The following CCDC22 variants were observed in gnomAD, a reference collection of about 807,000 sequenced individuals.
CCDC22 encodes coiled-coil domain-containing protein 22.
Under a neutral mutation model 53.1 loss-of-function variants are expected in CCDC22, and 4 were observed. The ratio of observed to expected loss-of-function variants is 0.08; its 90% CI spans 0.04 to 0.17. The LOEUF (loss-of-function observed/expected upper bound fraction) is 0.17. Ranked by LOEUF, CCDC22 falls within the 10% of genes least tolerant of loss-of-function variation. CCDC22 has a pLI of 1.00. For missense variants in CCDC22, 458 were observed against 554.0 expected (o/e 0.83, Z 1.74); for synonymous variants, 222 against 224.4 (o/e 0.99, Z 0.10).
chrX:49,237,128 T>C lies in CCDC22; in HGVS notation c.93T>C (p.Thr31=), dbSNP rs1557112825. The C allele has an allele frequency of 8.3e-6, 10 of 1,209,730 alleles. No individual in the cohort carries two copies. In the South Asian group the frequency reaches 1.6e-4, roughly 19 times the overall value. Residue 31 remains threonine (T), a synonymous_variant, in exon 2 of 17, where the codon ACT becomes ACC. Coordinates refer to ENST00000376227, the MANE Select transcript of CCDC22 (RefSeq NM_014008.5). ...PDVQTLRAFT[T]ELVVEAVVRC... ...TGCAGACCTTGCGCGCCTTCACCAC[T>C]GAGCTGGTTGTAGAGGCTGTGGTCC...
At chrX:49,238,150 G>A (rs1195657343) in intron 2 of CCDC22, among the ~76,000 whole-genome samples, 5 of 101,024 alleles carry the variant, frequency 4.9e-5, no homozygotes, top group Non-Finnish European at 7.9e-5. Flanking sequence ...CTCAGCTCAC[G>A]GCTCACTGCA....
chrX:49,241,444 G>A (rs1463039627), intron 2 of CCDC22, among the ~76,000 whole-genome samples: 3 of 99,683 alleles, frequency 3.0e-5, no homozygotes, highest in African/African-American at 7.6e-5. Context: ...CCAAGATCAC[G>A]CTACTGCACT....
At position 49,247,528 on chromosome X, in the gene CCDC22, T is replaced by C. The variant is rs782818101; in HGVS notation, c.942T>C (p.Asp314=). The part of the protein sequence containing the change: ...EPQAQATQVS[D]VPATSRRPEQ... ...AGGCCCAGGCCACTCAGGTGTCAGATGTGCCAGCCACCTCCCGGCGGCCTG... is the reference window on the plus strand; with the variant it reads ...AGGCCCAGGCCACTCAGGTGTCAGACGTGCCAGCCACCTCCCGGCGGCCTG... Residue 314 remains aspartate (D), a synonymous_variant, in exon 8 of 17, where the codon GAT becomes GAC. Coordinates refer to ENST00000376227, the MANE Select transcript of CCDC22 (RefSeq NM_014008.5). The C allele has an allele frequency of 3.3e-6, 4 of 1,198,686 alleles. No homozygotes were observed. Among genetic ancestry groups the C allele is most frequent in the African/African-American group, 1.8e-5 (1 of 57,046 alleles).
intron 2 of CCDC22, among the ~76,000 whole-genome samples, chrX:49,239,644 G>T (rs1434877101): frequency 9.1e-6 from 1 of 110,367 alleles, no homozygotes; most frequent in South Asian, 4.0e-4. Context: ...CCATCCCTTC[G>T]CTCTCAGGTT....
intron 11 of CCDC22, 42 bp from the exon 12 acceptor site, chrX:49,248,591 C>G: frequency 8.3e-7 from 1 of 1,201,791 alleles, no homozygotes; most frequent in African/African-American, 1.7e-5. Flanking sequence ...GGGGCCATCC[C>G]TATGCTCTGC....
chrX:49,246,741 G>T lies in CCDC22; in HGVS notation c.725G>T (p.Arg242Leu). ...GCCTTTTCTCCCCAGGAGGACACAC[G>T]GGCTCAGCGGCAGCGGCTGCAAAAG... The part of the protein sequence containing the change: ...TSRLPPQEDT[R>L]AQRQRLQKQL... Residue 242 changes from arginine (R) to leucine (L), a missense_variant, in exon 7 of 17, where the codon CGG becomes CTG. Around this residue, in one of 4 missense-constraint regions of CCDC22, gnomAD observed 309 missense variants for 312.3 expected, o/e 0.99. Transcript: ENST00000376227. 1 of 1,155,550 alleles carries T rather than the reference G, an allele frequency of 8.7e-7. No individual in the cohort carries two copies. The highest frequency in any genetic ancestry group is 2.5e-5 in the Admixed American group (1 of 39,979).
intron 3 of CCDC22, chrX:49,242,354 G>T (rs1046891039): frequency 1.5e-5 from 11 of 746,116 alleles, no homozygotes; most frequent in Non-Finnish European, 1.6e-5. Context: ...GCTGACCCCG[G>T]TGGTGCGTTG....
chrX:49,249,458 G>A, intron 14 of CCDC22, 51 bp from the exon 15 acceptor site: 2 of 1,128,029 alleles, frequency 1.8e-6, no homozygotes, highest in Non-Finnish European at 2.4e-6. Context: ...AGGGCATGGA[G>A]ATGGTCAAGG....
chrX:49,236,597 G>A (rs1332486648), intron 1 of CCDC22, among the ~76,000 whole-genome samples: 2 of 111,239 alleles, frequency 1.8e-5, no homozygotes, highest in Non-Finnish European at 3.8e-5. Context: ...AAAAACCCAG[G>A]ATGCCAACAT....
intron 1 of CCDC22, 49 bp downstream of exon 1, chrX:49,235,735 A>G: frequency 9.3e-7 from 1 of 1,073,774 alleles, no homozygotes; most frequent in East Asian, 3.3e-5. Flanking sequence ...CCGGGACTCT[A>G]AAGCCCAGGA....
chrX:49,247,000 A>C lies in CCDC22; in HGVS notation c.909+75A>C, dbSNP rs782323184. On this transcript the variant is annotated intron_variant, in intron 7 of 16. Coordinates refer to ENST00000376227, the MANE Select transcript of CCDC22 (RefSeq NM_014008.5). The stretch of plus-strand genomic sequence containing the variant: ...GAGGGTGGCTTTTTGTGTCAGCACC[A>C]CACCTTTATCCACACAGGTTCCTGT... 4 of 872,144 alleles carry C rather than the reference A, an allele frequency of 4.6e-6. No homozygotes were observed. The East Asian group carries it at 1.4e-4, about 30-fold the overall frequency. 71.9% of individuals were successfully genotyped at this position (872,144 alleles called of 1,213,427 possible). A position where few individuals can be genotyped will look rare whatever the true frequency, so the allele number is the denominator to read the frequency against.
intron 1 of CCDC22, among the ~76,000 whole-genome samples, chrX:49,236,356 C>T (rs1337330007): frequency 9.1e-6 from 1 of 109,444 alleles, no homozygotes; most frequent in African/African-American, 3.3e-5. Context: ...TACAGCCGTG[C>T]GCCACCTTGC....
intron 2 of CCDC22, among the ~76,000 whole-genome samples, chrX:49,240,574 T>G (rs902184389): frequency 9.0e-6 from 1 of 111,191 alleles, no homozygotes; most frequent in African/African-American, 3.3e-5. Context: ...AAAAAACAGG[T>G]ACATATGGTT....
At chrX:49,244,561 CTCT>C (rs782606989) in intron 6 of CCDC22, among the ~76,000 whole-genome samples, 6 of 109,723 alleles carry the variant, frequency 5.5e-5, no homozygotes, top group South Asian at 3.9e-4. Flanking sequence ...TATCTGTCCT[CTCT>C]TCTTCTTTTT....
chrX:49,239,270 C>T (rs1335834423), intron 2 of CCDC22: 3 of 134,777 alleles, frequency 2.2e-5, no homozygotes, highest in Non-Finnish European at 4.1e-5. Flanking sequence ...TGAGCCACCG[C>T]GTCTGGCTCT....
chrX:49,248,197 T>A lies in CCDC22; in HGVS notation c.1099T>A (p.Ser367Thr). ...CTGGGTATCCACCGGCCAGGCAGAG[T>A]CTGAGTGCCGGCACAGCAAGCTCAG... ...TLGVSFVQAESECRHSKLSTA... is the reference protein window; with the variant it reads ...TLGVSFVQAETECRHSKLSTA... Residue 367 changes from serine (S) to threonine (T), a missense_variant, in exon 10 of 17, where the codon TCT becomes ACT. Ser to Thr is a moderately conservative substitution (Grantham distance 58). This residue lies in a region of CCDC22 where 309 missense variants were observed against 312.3 expected (regional missense o/e 0.99). Coordinates refer to ENST00000376227, the MANE Select transcript of CCDC22 (RefSeq NM_014008.5). The A allele has an allele frequency of 2.5e-6, 3 of 1,201,175 alleles. No homozygotes were observed. Among genetic ancestry groups the A allele is most frequent in the Non-Finnish European group, 3.4e-6 (3 of 894,913 alleles).
intron 1 of CCDC22, among the ~76,000 whole-genome samples, chrX:49,235,961 C>T (rs1263263833): frequency 9.1e-6 from 1 of 109,339 alleles, no homozygotes; most frequent in African/African-American, 3.4e-5. Context: ...GACCCAGACA[C>T]CTTGAGACGT....
chrX:49,247,796 T>C (rs1557114529), intron 9 of CCDC22, 28 bp downstream of exon 9: 7 of 1,208,672 alleles, frequency 5.8e-6, no homozygotes, highest in Non-Finnish European at 7.8e-6. Context: ...GGCTGCGCGT[T>C]GGGCTAGGTC....
Position 49,248,270 on chromosome X carries a change from A to G in CCDC22, c.1172A>G (p.Glu391Gly). Reference sequence around the variant, plus strand: ...CTGCGCCTGAAGAGCCGCGCGGTGGAGCTGCTGCCCGATGGGACTGCCAAC... The same window carrying G: ...CTGCGCCTGAAGAGCCGCGCGGTGGGGCTGCTGCCCGATGGGACTGCCAAC... Reference protein sequence around the residue: ...QALRLKSRAVELLPDGTANLA... With the variant: ...QALRLKSRAVGLLPDGTANLA... Residue 391 changes from glutamate (E) to glycine (G), a missense_variant, in exon 10 of 17, where the codon GAG becomes GGG. Coordinates refer to ENST00000376227, the MANE Select transcript of CCDC22 (RefSeq NM_014008.5). 1 of 1,192,396 alleles carries G rather than the reference A, an allele frequency of 8.4e-7. No individual in the cohort carries two copies. Among genetic ancestry groups the G allele is most frequent in the Non-Finnish European group, 1.1e-6 (1 of 888,710 alleles).
Sources: gnomAD v4.1 joint callset for allele counts (sites outside exome capture counted in the v4.1 genomes callset) on GRCh38, gnomAD v4.1.1 for gene constraint, gnomAD v4.1.1 regional missense constraint, MANE v1.5 for transcripts, NCBI Gene and HGNC (gene_info 2026-07-23, HGNC 2026-07-21) for gene names.